UGT2A2: variants seen among roughly 807,000 people sequenced by gnomAD.
UGT2A2 encodes the protein UDP glucuronosyltransferase family 2 member A2, also known as UDP-glucuronosyltransferase 2A2.
In UGT2A2, 60 loss-of-function variants were observed where a neutral mutation model predicts 50.7. That is an observed-to-expected ratio of 1.18 (90% CI 0.96 to 1.47). The LOEUF is 1.47. Ranked by LOEUF, UGT2A2 falls within the 40% of genes most tolerant of loss-of-function variation. The pLI is 0.00. For synonymous variants in UGT2A2, 242 were observed against 214.6 expected, an observed-to-expected ratio of 1.13 and a Z score of -1.11; for missense variants, 762 against 634.0, an observed-to-expected ratio of 1.20 and a Z score of -2.17.
chr4:69,638,795 A>T (rs1380278726), intron 1 of UGT2A2, 104 bp downstream of exon 1: 60 of 1,365,076 alleles, frequency 4.4e-5, no homozygotes, highest in Non-Finnish European at 5.7e-5. Context: ...GAAGTCCATT[A>T]TCTTCAGCTC....
chr4:69,638,846 T>G (rs1487858003), intron 1 of UGT2A2, 53 bp downstream of exon 1: 1 of 1,468,148 alleles, frequency 6.8e-7, no homozygotes, highest in Non-Finnish European at 9.0e-7. Flanking sequence ...CATATGACAA[T>G]AAGAATAAAT....
intron 2 of UGT2A2, among the ~76,000 whole-genome samples, chr4:69,596,866 C>G (rs1397874029): frequency 6.6e-6 from 1 of 152,166 alleles, no homozygotes; most frequent in African/African-American, 2.4e-5. Context: ...AAATGTATAA[C>G]TTAAATATAT....
At chr4:69,632,578 T>C (rs1721447010) in intron 1 of UGT2A2, among the ~76,000 whole-genome samples, 1 of 152,058 alleles carries the variant, frequency 6.6e-6, no homozygotes, top group South Asian at 2.1e-4. Flanking sequence ...AAATCATCCT[T>C]AGTGAATATA....
chr4:69,607,680 G>C (rs1227992812), intron 1 of UGT2A2, among the ~76,000 whole-genome samples: 6 of 151,994 alleles, frequency 3.9e-5, no homozygotes. Context: ...TCTGACAAAG[G>C]GCTAATATCC....
In UGT2A2 at chr4:69,589,358, C is replaced by G; in HGVS notation, c.*14G>C. 6.3e-7 allele frequency: 1 copy of G among 1,596,722 alleles called. No individual in the cohort carries two copies. The highest frequency in any genetic ancestry group is 8.5e-7 in the Non-Finnish European group (1 of 1,172,002). ...CCAAACTTAAAAATATATATATTTCCTCTTTTTCTTGACCTATTCTCTTTT... is the reference window on the plus strand; with the variant it reads ...CCAAACTTAAAAATATATATATTTCGTCTTTTTCTTGACCTATTCTCTTTT... On this transcript the variant is annotated 3_prime_UTR_variant, in exon 6 of 6. Transcript: ENST00000604629.
At chr4:69,614,731 C>T (rs918434966) in intron 1 of UGT2A2, among the ~76,000 whole-genome samples, 5 of 152,018 alleles carry the variant, frequency 3.3e-5, no homozygotes, top group Non-Finnish European at 7.4e-5. Context: ...GGAATGGACT[C>T]TTAATGGTGC....
At chr4:69,617,342 G>A (rs936646698) in intron 1 of UGT2A2, among the ~76,000 whole-genome samples, 7 of 151,792 alleles carry the variant, frequency 4.6e-5, no homozygotes, top group Non-Finnish European at 1.0e-4. Context: ...AAATTATTAG[G>A]AGTTTAATAA....
chr4:69,621,828 G>A (rs1284081605), intron 1 of UGT2A2, among the ~76,000 whole-genome samples: 1 of 151,714 alleles, frequency 6.6e-6, no homozygotes, highest in South Asian at 2.1e-4. Flanking sequence ...GCCATAAAAA[G>A]GAAAGAGAAC....
chr4:69,597,508 C>T (rs1347728149), intron 2 of UGT2A2, among the ~76,000 whole-genome samples: 2 of 152,008 alleles, frequency 1.3e-5, no homozygotes, highest in African/African-American at 4.8e-5. Flanking sequence ...TCCTGCATTC[C>T]CTGTGCAAAT....
chr4:69,613,242 A>G, intron 1 of UGT2A2, among the ~76,000 whole-genome samples: 1 of 151,940 alleles, frequency 6.6e-6, no homozygotes, highest in African/African-American at 2.4e-5. Flanking sequence ...AACTAGAAGT[A>G]AACAGATACC....
rs1474511189 is a variant in UGT2A2, at chr4:69,628,739, ACTT to A, written c.742+10157_742+10159del. On this transcript the variant is annotated intron_variant, in intron 1 of 5. Coordinates refer to ENST00000604629, the MANE Select transcript of UGT2A2 (RefSeq NM_001105677.2). The stretch of plus-strand genomic sequence containing the variant: ...AATATATGAATGATCTAGAATGCCT[ACTT>A]CTACTTAATACTAAATGTAAAGTTT... 2.0e-5 allele frequency among the ~76,000 whole-genome samples: 3 copies of A among 148,276 alleles called. No homozygotes were observed. In the East Asian group the frequency reaches 5.9e-4, roughly 29 times the overall value.
At chr4:69,609,079 TGAGAA>T (rs1560476315) in intron 1 of UGT2A2, among the ~76,000 whole-genome samples, 1 of 151,906 alleles carries the variant, frequency 6.6e-6, no homozygotes, top group Admixed American at 6.6e-5. Context: ...TAAAAGATAA[TGAGAA>T]AACCATCATA....
intron 1 of UGT2A2, among the ~76,000 whole-genome samples, chr4:69,615,305 C>G (rs1050651681): frequency 1.3e-5 from 2 of 151,986 alleles, no homozygotes; most frequent in Non-Finnish European, 2.9e-5. Flanking sequence ...AGACAATGTT[C>G]TGGGCAGATT....
chr4:69,632,199 A>G (rs1316257198), intron 1 of UGT2A2, among the ~76,000 whole-genome samples: 1 of 152,224 alleles, frequency 6.6e-6, no homozygotes, highest in East Asian at 1.9e-4. Flanking sequence ...GTGTTTTGAT[A>G]TAAATATAAC....
chr4:69,621,502 CAG>C (rs1227618221), intron 1 of UGT2A2, among the ~76,000 whole-genome samples: 1 of 151,742 alleles, frequency 6.6e-6, no homozygotes, highest in Non-Finnish European at 1.5e-5. Flanking sequence ...AAAAAAATAA[CAG>C]ATGCTGGCGA....
intron 1 of UGT2A2, among the ~76,000 whole-genome samples, chr4:69,605,620 C>A: frequency 7.4e-6 from 1 of 136,048 alleles, no homozygotes; most frequent in Non-Finnish European, 1.6e-5. Context: ...TTTAAAAAAT[C>A]AATGAATCCA....
chr4:69,598,613 G>T (rs571872558), intron 2 of UGT2A2, among the ~76,000 whole-genome samples: 50 of 152,040 alleles, frequency 3.3e-4, no homozygotes, highest in African/African-American at 1.2e-3. Flanking sequence ...TTTACACTTT[G>T]TACTACCTAA....
At chr4:69,590,853 C>T (rs1363889301) in intron 5 of UGT2A2, among the ~76,000 whole-genome samples, 5 of 152,024 alleles carry the variant, frequency 3.3e-5, no homozygotes, top group Non-Finnish European at 7.4e-5. Context: ...TTATTATACA[C>T]TAATGTTTTA....
At chr4:69,611,547 T>G (rs534705082) in intron 1 of UGT2A2, among the ~76,000 whole-genome samples, 2 of 151,744 alleles carry the variant, frequency 1.3e-5, no homozygotes, top group South Asian at 4.1e-4. Flanking sequence ...TAGCTCAGAG[T>G]TTTTTTCTCC....
Sources: allele counts gnomAD v4.1 joint callset (sites outside exome capture counted in the v4.1 genomes callset), GRCh38; gene constraint gnomAD v4.1.1; transcripts MANE v1.5; gene names NCBI Gene and HGNC (gene_info 2026-07-23, HGNC 2026-07-21).